The following NBAS variants were observed in gnomAD, a reference collection of about 807,000 sequenced individuals.
NBAS encodes the protein NBAS subunit of NRZ tethering complex, also known as NAG/BC035112 fusion.
NBAS carries 219 observed loss-of-function variants against 302.5 expected under a neutral mutation model. The observed-to-expected ratio is 0.72, with a 90% CI of 0.65 to 0.81. The LOEUF (loss-of-function observed/expected upper bound fraction) is 0.81, where lower values mean the gene tolerates loss of function less well. Ranked by LOEUF, NBAS falls within the 30% of genes least tolerant of loss-of-function variation. The pLI, the probability that NBAS is intolerant of heterozygous loss-of-function variation, is 0.00. For missense variants in NBAS, 2,932 were observed against 2,841.6 expected (o/e 1.03, Z -0.72); for synonymous variants, 1,118 against 1,021.6 (o/e 1.09, Z -1.80).
intron 38 of NBAS, among the ~76,000 whole-genome samples, chr2:15,322,177 G>A (rs1671839414): frequency 7.9e-6 from 1 of 127,110 alleles, no homozygotes; most frequent in Non-Finnish European, 1.6e-5. Context: ...TCATAGGTGG[G>A]AATTGAACAA....
chr2:15,152,615 C>T, the NBAS span, among the ~76,000 whole-genome samples: 1 of 152,210 alleles, frequency 6.6e-6, no homozygotes, highest in Admixed American at 6.5e-5. Context: ...CATCCCACTT[C>T]CTTTTTCTAT....
At chr2:15,036,781 A>AC in the NBAS span, among the ~76,000 whole-genome samples, 3 of 151,798 alleles carry the variant, frequency 2.0e-5, no homozygotes, top group East Asian at 5.8e-4. Context: ...AACATTACTC[A>AC]CCCCCAGCTT....
the NBAS span, among the ~76,000 whole-genome samples, chr2:14,797,729 C>A: frequency 6.6e-6 from 1 of 152,014 alleles, no homozygotes; most frequent in Non-Finnish European, 1.5e-5. Context: ...AGAGTTCGGG[C>A]CAAGGAGGAA....
chr2:15,414,869 C>T (rs1294853895), intron 25 of NBAS, among the ~76,000 whole-genome samples: 5 of 151,968 alleles, frequency 3.3e-5, no homozygotes, highest in African/African-American at 1.2e-4. Context: ...TGCTTGAGCC[C>T]GGAAGACGGA....
chr2:15,353,555 C>T lies in NBAS; in HGVS notation c.4087G>A (p.Glu1363Lys). The T allele has an allele frequency of 6.2e-7, 1 of 1,614,012 alleles. No homozygotes were observed. Among genetic ancestry groups the T allele is most frequent in the Non-Finnish European group, 8.5e-7 (1 of 1,179,930 alleles). Reference sequence around the variant, plus strand: ...ATTTCCTTTATCGAAGGACTTACTTCTGTCTGCAGAGAGCTGCTAGCTGCC... The same window carrying T: ...ATTTCCTTTATCGAAGGACTTACTTTTGTCTGCAGAGAGCTGCTAGCTGCC... ...LLAASSSLQTEILYQRVNFQI... is the reference protein window; with the variant it reads ...LLAASSSLQTKILYQRVNFQI... The change falls in exon 34 of 52, where the codon GAA becomes AAA. Residue 1363 changes from glutamate (E) to lysine (K), a missense_variant and splice_region_variant. Transcript: ENST00000281513.
chr2:15,545,193 CA>C (rs2148700346), intron 6 of NBAS, among the ~76,000 whole-genome samples: 1 of 152,018 alleles, frequency 6.6e-6, no homozygotes, highest in East Asian at 1.9e-4. Flanking sequence ...ACGTAATTAA[CA>C]AAAAGATGCT....
the NBAS span, among the ~76,000 whole-genome samples, chr2:14,988,341 T>C: frequency 6.6e-6 from 1 of 152,148 alleles, no homozygotes; most frequent in Non-Finnish European, 1.5e-5. Context: ...AGAAACAATA[T>C]AAACAGACCC....
chr2:15,317,411 A>C (rs6756029), intron 38 of NBAS, among the ~76,000 whole-genome samples: 76,197 of 152,052 alleles, frequency 0.5, 20,220 homozygotes, highest in East Asian at 0.85. Context: ...TGACAAGTTA[A>C]CAGAAGTAAG....
intron 21 of NBAS, among the ~76,000 whole-genome samples, chr2:15,432,640 A>T (rs1472066297): frequency 1.3e-5 from 2 of 152,208 alleles, no homozygotes; most frequent in African/African-American, 4.8e-5. Context: ...GCCACCTTTT[A>T]AGCATTGGCT....
At chr2:14,848,566 G>T in the NBAS span, among the ~76,000 whole-genome samples, 1 of 140,362 alleles carries the variant, frequency 7.1e-6, no homozygotes, top group Non-Finnish European at 1.5e-5. Context: ...GAACTGGGTG[G>T]AGCCCACCAC....
chr2:15,194,426 G>A (rs1046780358), intron 48 of NBAS, among the ~76,000 whole-genome samples: 7 of 151,930 alleles, frequency 4.6e-5, no homozygotes, highest in Non-Finnish European at 2.9e-5. Flanking sequence ...AGAAAAGAAC[G>A]GTTAACTACA....
chr2:15,559,422 T>C (rs1046638826), intron 1 of NBAS, among the ~76,000 whole-genome samples: 4 of 152,162 alleles, frequency 2.6e-5, no homozygotes, highest in Non-Finnish European at 4.4e-5. Context: ...ATTCCATAAG[T>C]ATAGACTGAA....
At chr2:14,780,427 C>T in the NBAS span, among the ~76,000 whole-genome samples, 1 of 152,238 alleles carries the variant, frequency 6.6e-6, no homozygotes, top group African/African-American at 2.4e-5. Flanking sequence ...CGATCATGCT[C>T]AGTCCCTTCT....
At chr2:15,249,173 T>G (rs992411018) in intron 44 of NBAS, among the ~76,000 whole-genome samples, 16 of 152,042 alleles carry the variant, frequency 1.1e-4, no homozygotes, top group African/African-American at 3.6e-4. Context: ...CTCAAATCAA[T>G]AAACGTAATC....
chr2:14,983,430 ATTTC>A, the NBAS span, among the ~76,000 whole-genome samples: 98 of 152,216 alleles, frequency 6.4e-4, no homozygotes, highest in African/African-American at 2.2e-3. Context: ...GTTTGATGCA[ATTTC>A]TTTATTTCTA....
chr2:14,859,745 T>C, the NBAS span, among the ~76,000 whole-genome samples: 1 of 152,148 alleles, frequency 6.6e-6, no homozygotes, highest in Non-Finnish European at 1.5e-5. Flanking sequence ...GAAGAAAACA[T>C]TGGGAAAATG....
chr2:15,361,856 T>A (rs540190201), intron 32 of NBAS, among the ~76,000 whole-genome samples: 2 of 152,076 alleles, frequency 1.3e-5, no homozygotes, highest in African/African-American at 4.8e-5. Flanking sequence ...GGCACATGCC[T>A]GTAATCCCAG....
the NBAS span, among the ~76,000 whole-genome samples, chr2:15,043,274 C>A: frequency 2.0e-5 from 3 of 152,112 alleles, no homozygotes; most frequent in Non-Finnish European, 4.4e-5. Context: ...CCTCCCTGTG[C>A]GTCTTGGACC....
the NBAS span, among the ~76,000 whole-genome samples, chr2:14,936,276 G>T: frequency 6.6e-6 from 1 of 152,156 alleles, no homozygotes; most frequent in Non-Finnish European, 1.5e-5. Flanking sequence ...AATTCTGTTG[G>T]CACAAACTGG....
Sources: gnomAD v4.1 joint callset for allele counts (sites outside exome capture counted in the v4.1 genomes callset) on GRCh38, gnomAD v4.1.1 for gene constraint, MANE v1.5 for transcripts, NCBI Gene and HGNC (gene_info 2026-07-23, HGNC 2026-07-21) for gene names.